GRID1: variants seen among roughly 807,000 people sequenced by gnomAD.
GRID1 encodes glutamate receptor ionotropic, delta-1.
In GRID1, 28 loss-of-function variants were observed where a neutral mutation model predicts 98.0. The observed-to-expected ratio is 0.29, with a 90% CI of 0.21 to 0.39. The LOEUF (loss-of-function observed/expected upper bound fraction) is 0.39. GRID1 is among the 10% of genes least tolerant of loss of function. GRID1 has a pLI of 1.00. For missense variants in GRID1, 1,111 were observed against 1,340.5 expected (o/e 0.83, Z 2.67); for synonymous variants, 553 against 538.5 (o/e 1.03, Z -0.37).
chr10:86,329,747 C>T (rs1848110587), intron 2 of GRID1, among the ~76,000 whole-genome samples: 1 of 152,132 alleles, frequency 6.6e-6, no homozygotes, highest in Admixed American at 6.5e-5. Context: ...TGCCAGTCTA[C>T]CCCTGCTCAT....
intron 4 of GRID1, among the ~76,000 whole-genome samples, chr10:86,066,016 A>G (rs1182210365): frequency 6.6e-6 from 1 of 152,214 alleles, no homozygotes; most frequent in Non-Finnish European, 1.5e-5. Context: ...TGGAGAAGTC[A>G]TGTAAGTTGT....
chr10:86,084,288 T>A (rs1459621225), intron 4 of GRID1, among the ~76,000 whole-genome samples: 1 of 150,428 alleles, frequency 6.6e-6, no homozygotes, highest in Non-Finnish European at 1.5e-5. Context: ...GGCCTTATAC[T>A]CATTAGGATG....
chr10:85,833,164 G>A (rs2131763633), intron 8 of GRID1, among the ~76,000 whole-genome samples: 1 of 152,292 alleles, frequency 6.6e-6, no homozygotes, highest in East Asian at 1.9e-4. Context: ...CCCAGTGTCA[G>A]CAGGTGGCAT....
intron 3 of GRID1, among the ~76,000 whole-genome samples, chr10:86,200,041 C>T (rs572487874): frequency 3.9e-5 from 6 of 152,122 alleles, no homozygotes; most frequent in African/African-American, 1.2e-4. Flanking sequence ...TTCCCATATT[C>T]CAGCCATATG....
intron 2 of GRID1, among the ~76,000 whole-genome samples, chr10:86,253,922 T>C (rs1846874936): frequency 6.6e-6 from 1 of 152,126 alleles, no homozygotes; most frequent in African/African-American, 2.4e-5. Flanking sequence ...TGCCAGCTAC[T>C]TCCCCTCCAT....
intron 2 of GRID1, among the ~76,000 whole-genome samples, chr10:86,250,614 C>T (rs1030746559): frequency 3.6e-5 from 5 of 137,054 alleles, no homozygotes; most frequent in South Asian, 2.3e-4. Flanking sequence ...GGGCAGCCCC[C>T]GCCTGGCCAG....
chr10:85,855,191 A>G (rs1344954480), intron 7 of GRID1, among the ~76,000 whole-genome samples: 1 of 152,186 alleles, frequency 6.6e-6, no homozygotes, highest in Non-Finnish European at 1.5e-5. Flanking sequence ...AGAACCCACA[A>G]AGACTAAAGG....
chr10:85,677,735 G>A (rs1014515550), intron 12 of GRID1, among the ~76,000 whole-genome samples: 4 of 152,148 alleles, frequency 2.6e-5, no homozygotes, highest in Admixed American at 2.0e-4. Flanking sequence ...TCTCCCCTAC[G>A]AAGTAGTGTT....
At chr10:86,126,185 G>A (rs781582347) in intron 4 of GRID1, among the ~76,000 whole-genome samples, 45 of 152,232 alleles carry the variant, frequency 3.0e-4, no homozygotes, top group Non-Finnish European at 3.7e-4. Context: ...GCCGGGCGTG[G>A]TGGCTCACGC....
intron 3 of GRID1, among the ~76,000 whole-genome samples, chr10:86,161,314 AG>A (rs1210101017): frequency 2.0e-5 from 3 of 152,084 alleles, no homozygotes; most frequent in Non-Finnish European, 4.4e-5. Flanking sequence ...AAGCCTGCAT[AG>A]GGGGTGGTGT....
intron 4 of GRID1, among the ~76,000 whole-genome samples, chr10:86,113,832 G>A (rs72835258): frequency 0.06 from 9,061 of 152,262 alleles, 392 homozygotes; most frequent in South Asian, 0.21. Flanking sequence ...TAAAATTGCC[G>A]TGTAGCCCAA....
At chr10:86,084,720 C>T (rs1212277427) in intron 4 of GRID1, among the ~76,000 whole-genome samples, 1 of 152,184 alleles carries the variant, frequency 6.6e-6, no homozygotes, top group East Asian at 1.9e-4. Flanking sequence ...GAAATTCTGA[C>T]ATATGCTACA....
At chr10:86,132,319 C>G (rs1278725423) in intron 4 of GRID1, among the ~76,000 whole-genome samples, 1 of 152,178 alleles carries the variant, frequency 6.6e-6, no homozygotes, top group Admixed American at 6.5e-5. Flanking sequence ...TCAGCCAGGC[C>G]CCGCGTTCTG....
At chr10:86,049,382 T>A (rs1843468384) in intron 4 of GRID1, among the ~76,000 whole-genome samples, 1 of 151,420 alleles carries the variant, frequency 6.6e-6, no homozygotes, top group Non-Finnish European at 1.5e-5. Context: ...GTGTAGATAT[T>A]TTTGACCCAT....
At chr10:85,701,792 A>G (rs2132623249) in intron 12 of GRID1, among the ~76,000 whole-genome samples, 1 of 152,276 alleles carries the variant, frequency 6.6e-6, no homozygotes, top group South Asian at 2.1e-4. Context: ...GAGGAAAAAC[A>G]TAAGAATGAT....
intron 5 of GRID1, among the ~76,000 whole-genome samples, chr10:85,907,098 A>C (rs913881520): frequency 6.6e-6 from 1 of 152,186 alleles, no homozygotes; most frequent in Non-Finnish European, 1.5e-5. Flanking sequence ...CTTCATACCT[A>C]TAAGTTTTTT....
At chr10:85,681,315 CCAA>C (rs1841205899) in intron 12 of GRID1, among the ~76,000 whole-genome samples, 1 of 152,014 alleles carries the variant, frequency 6.6e-6, no homozygotes, top group South Asian at 2.1e-4. Context: ...CAACATTGCA[CCAA>C]CATTTTAAAA....
chr10:85,776,242 G>A (rs1324992455), intron 8 of GRID1, among the ~76,000 whole-genome samples: 1 of 152,088 alleles, frequency 6.6e-6, no homozygotes, highest in East Asian at 1.9e-4. Flanking sequence ...GATGTTATGG[G>A]CCCAGGAATA....
chr10:85,639,492 T>C lies in GRID1; in HGVS notation c.2193+7710A>G, dbSNP rs1843089043. Among the ~76,000 whole-genome samples, 5 of 152,258 alleles carry C rather than the reference T, an allele frequency of 3.3e-5. No homozygotes were observed. The South Asian group carries it at 8.3e-4, about 25-fold the overall frequency. On this transcript the variant is annotated intron_variant, in intron 13 of 15. Coordinates refer to ENST00000327946, the MANE Select transcript of GRID1 (RefSeq NM_017551.3). ...TAGGTATCTTGTTTTGGGTGATTATTACAGAATTGCATAAATTGTCTAAAC... is the reference window on the plus strand; with the variant it reads ...TAGGTATCTTGTTTTGGGTGATTATCACAGAATTGCATAAATTGTCTAAAC...
Sources: allele counts gnomAD v4.1 joint callset (sites outside exome capture counted in the v4.1 genomes callset), GRCh38; gene constraint gnomAD v4.1.1; transcripts MANE v1.5; gene names NCBI Gene and HGNC (gene_info 2026-07-23, HGNC 2026-07-21).